Variants in LCLAT1 observed in about 807,000 individuals in gnomAD.
LCLAT1 encodes lysocardiolipin acyltransferase 1.
Under a neutral mutation model 30.7 loss-of-function variants are expected in LCLAT1, and 11 were observed. The ratio of observed to expected loss-of-function variants is 0.36; its 90% confidence interval spans 0.23 to 0.59. LCLAT1 has a LOEUF of 0.59. Ranked by LOEUF, LCLAT1 falls within the 20% of genes least tolerant of loss-of-function variation. LCLAT1 has a pLI of 0.77. For synonymous variants in LCLAT1, 155 were observed against 151.3 expected, an observed-to-expected ratio of 1.02 and a Z score of -0.18; for missense variants, 402 against 458.6, an observed-to-expected ratio of 0.88 and a Z score of 1.13.
chr2:30,635,298 T>C (rs1288211680), intron 5 of LCLAT1, among the ~76,000 whole-genome samples: 1 of 151,576 alleles, frequency 6.6e-6, no homozygotes, highest in East Asian at 1.9e-4. Context: ...TCCCTCCTTG[T>C]ATAAAAGCCA....
intron 5 of LCLAT1, among the ~76,000 whole-genome samples, chr2:30,572,328 T>A (rs1033432739): frequency 2.0e-5 from 3 of 152,238 alleles, no homozygotes; most frequent in African/African-American, 7.2e-5. Flanking sequence ...CTTATCAAGT[T>A]CTTCTTATGT....
intron 5 of LCLAT1, among the ~76,000 whole-genome samples, chr2:30,622,534 G>C (rs1668312537): frequency 6.6e-6 from 1 of 152,126 alleles, no homozygotes; most frequent in African/African-American, 2.4e-5. Flanking sequence ...CTACAACCAA[G>C]GACCCTCACA....
In LCLAT1 at chr2:30,608,935, A is replaced by C. The variant is rs141346892; in HGVS notation, c.629-31182A>C. 6.4e-3 allele frequency among the ~76,000 whole-genome samples: 977 copies of C among 152,192 alleles called. 14 individuals carry two copies. Among genetic ancestry groups the C allele is most frequent in the African/African-American group, 0.022 (927 of 41,492 alleles). On this transcript the variant is annotated intron_variant, in intron 5 of 5. Transcript: ENST00000379509. Reference sequence around the variant, plus strand: ...CCCTCTAAACACCCACTGGCAATGCACAAGGGTGCCTGTTTCCTCTCATTC... The same window carrying C: ...CCCTCTAAACACCCACTGGCAATGCCCAAGGGTGCCTGTTTCCTCTCATTC...
At chr2:30,485,114 A>G (rs1449914079) in intron 1 of LCLAT1, among the ~76,000 whole-genome samples, 1 of 152,170 alleles carries the variant, frequency 6.6e-6, no homozygotes, top group East Asian at 1.9e-4. Flanking sequence ...CCAGTGAATA[A>G]TTGCATATTT....
chr2:30,514,045 GC>G lies in LCLAT1; in HGVS notation c.-4-11541del, dbSNP rs146346119. Among the ~76,000 whole-genome samples, 1,011 of 152,284 alleles carry G rather than the reference GC, an allele frequency of 6.6e-3. 10 individuals are homozygous for G. The highest frequency in any genetic ancestry group is 0.023 in the African/African-American group (960 of 41,552). On this transcript the variant is annotated intron_variant, in intron 1 of 5. Transcript: ENST00000379509. ...CTGAGACCTGTCTCAAATTTTGGGGGCTCACAACTGCATTTTCTGAGAATCT... is the reference window on the plus strand; with the variant it reads ...CTGAGACCTGTCTCAAATTTTGGGGGTCACAACTGCATTTTCTGAGAATCT...
At chr2:30,610,474 A>G (rs1210443780) in intron 5 of LCLAT1, among the ~76,000 whole-genome samples, 1 of 152,178 alleles carries the variant, frequency 6.6e-6, no homozygotes, top group Admixed American at 6.6e-5. Flanking sequence ...CCACTTGTGT[A>G]TCAAGGTCTG....
At chr2:30,566,760 CTT>C (rs1028385881) in intron 4 of LCLAT1, among the ~76,000 whole-genome samples, 3 of 152,158 alleles carry the variant, frequency 2.0e-5, no homozygotes, top group Non-Finnish European at 4.4e-5. Flanking sequence ...TTTCTGAACA[CTT>C]TACTTTTTCC....
chr2:30,594,554 TTTAA>T (rs767616349), intron 5 of LCLAT1, among the ~76,000 whole-genome samples: 93 of 152,362 alleles, frequency 6.1e-4, no homozygotes, highest in Non-Finnish European at 1.0e-3. Flanking sequence ...CTAAGATTCC[TTTAA>T]TTGTGTGTAT....
chr2:30,455,403 C>T (rs553623555), intron 1 of LCLAT1, among the ~76,000 whole-genome samples: 4 of 152,234 alleles, frequency 2.6e-5, no homozygotes, highest in African/African-American at 9.6e-5. Flanking sequence ...TTCTGGAGGC[C>T]AGAATTCTGA....
intron 3 of LCLAT1, among the ~76,000 whole-genome samples, chr2:30,543,937 GGCTTAATTT>G (rs1664272542): frequency 1.3e-5 from 2 of 151,554 alleles, no homozygotes; most frequent in Non-Finnish European, 2.9e-5. Context: ...ATGTTCTTTG[GGCTTAATTT>G]GCTTTTTTTA....
In LCLAT1 at chr2:30,640,164, A is replaced by T; in HGVS notation, c.676A>T (p.Asn226Tyr). ...TGATATCACTGTGGCGTATCCTCAC[A>T]ACATTCCTCAATCAGAGAAGCACCT... is the stretch of plus-strand genomic sequence containing the variant. ...VHDITVAYPH[N>Y]IPQSEKHLLQ... Residue 226 changes from asparagine to tyrosine, a missense_variant, in exon 6 of 6, where the codon AAC (asparagine) becomes TAC (tyrosine). By Grantham distance (143) the Asn-to-Tyr change is moderately radical. Transcript: ENST00000379509. The T allele has an allele frequency of 6.2e-7, 1 of 1,614,016 alleles. No individual in the cohort carries two copies.
intron 5 of LCLAT1, among the ~76,000 whole-genome samples, chr2:30,630,605 A>C (rs1301488250): frequency 3.9e-5 from 6 of 152,236 alleles, no homozygotes; most frequent in African/African-American, 9.6e-5. Flanking sequence ...ATAAAATTTT[A>C]TGTCTAAATA....
intron 5 of LCLAT1, among the ~76,000 whole-genome samples, chr2:30,581,657 A>G (rs1666218138): frequency 6.6e-6 from 1 of 152,186 alleles, no homozygotes; most frequent in Non-Finnish European, 1.5e-5. Flanking sequence ...TAAACCAGGC[A>G]CAGAAAGATA....
chr2:30,455,063 T>A (rs1337748087), intron 1 of LCLAT1, among the ~76,000 whole-genome samples: 1 of 150,728 alleles, frequency 6.6e-6, no homozygotes, highest in African/African-American at 2.4e-5. Context: ...AGGCTAATCT[T>A]CAGGGAACTG....
chr2:30,575,310 T>C (rs1364645810), intron 5 of LCLAT1, among the ~76,000 whole-genome samples: 1 of 152,128 alleles, frequency 6.6e-6, no homozygotes, highest in Non-Finnish European at 1.5e-5. Flanking sequence ...AGGATAGAGA[T>C]ACTGTGCCGT....
chr2:30,578,520 T>C (rs1332828809), intron 5 of LCLAT1, among the ~76,000 whole-genome samples: 1 of 152,166 alleles, frequency 6.6e-6, no homozygotes, highest in Non-Finnish European at 1.5e-5. Context: ...TTGCATTAAG[T>C]TCTTGGTGAC....
intron 1 of LCLAT1, among the ~76,000 whole-genome samples, chr2:30,492,942 T>C (rs533869098): frequency 8.0e-4 from 122 of 152,342 alleles, no homozygotes; most frequent in African/African-American, 2.8e-3. Context: ...ACACTAAAAT[T>C]AGCCCTTTTT....
At chr2:30,516,325 G>T (rs1392437217) in intron 1 of LCLAT1, among the ~76,000 whole-genome samples, 1 of 152,052 alleles carries the variant, frequency 6.6e-6, no homozygotes, top group Non-Finnish European at 1.5e-5. Flanking sequence ...TTCACTCGCC[G>T]TCCACCACTG....
chr2:30,482,285 A>G (rs562915122), intron 1 of LCLAT1, among the ~76,000 whole-genome samples: 1 of 152,300 alleles, frequency 6.6e-6, no homozygotes, highest in African/African-American at 2.4e-5. Flanking sequence ...TAATCAGTGT[A>G]GGTTAGATTT....
Sources: allele counts gnomAD v4.1 joint callset (sites outside exome capture counted in the v4.1 genomes callset), GRCh38; gene constraint gnomAD v4.1.1; transcripts MANE v1.5; gene names NCBI Gene and HGNC (gene_info 2026-07-23, HGNC 2026-07-21).